Variants in TRERF1 observed in about 807,000 individuals in gnomAD.
TRERF1 encodes transcriptional-regulating factor 1.
Under a neutral mutation model 122.9 loss-of-function variants are expected in TRERF1, and 27 were observed. The ratio of observed to expected loss-of-function variants is 0.22; its 90% CI spans 0.16 to 0.30. TRERF1 has a LOEUF of 0.30. Among genes scored for constraint, TRERF1 ranks in the 10% least tolerant of loss-of-function variants. The pLI, the probability that TRERF1 is intolerant of heterozygous loss-of-function variation, is 1.00. For missense variants in TRERF1, 1,248 were observed against 1,560.3 expected, an observed-to-expected ratio of 0.80 and a Z score of 3.37; for synonymous variants, 636 against 641.7, an observed-to-expected ratio of 0.99 and a Z score of 0.13.
chr6:42,441,570 GTCT>G (rs1432254357), intron 2 of TRERF1, among the ~76,000 whole-genome samples: 1 of 152,140 alleles, frequency 6.6e-6, no homozygotes, highest in Admixed American at 6.5e-5. Flanking sequence ...CTCAGGTCTG[GTCT>G]TCTTCAGTGG....
At chr6:42,409,290 AAT>A (rs1780762791) in intron 2 of TRERF1, among the ~76,000 whole-genome samples, 1 of 152,024 alleles carries the variant, frequency 6.6e-6, no homozygotes, top group South Asian at 2.1e-4. Flanking sequence ...TAAATAAATA[AAT>A]AAATGTCTTC....
At chr6:42,288,858 G>T (rs989800252) in intron 4 of TRERF1, among the ~76,000 whole-genome samples, 7 of 151,950 alleles carry the variant, frequency 4.6e-5, no homozygotes, top group Admixed American at 4.6e-4. Flanking sequence ...TGGACAGGGG[G>T]CAAGGGCAAG....
chr6:42,363,262 A>G (rs1408306288), intron 2 of TRERF1, among the ~76,000 whole-genome samples, 183 bp from the exon 3 acceptor site: 1 of 152,226 alleles, frequency 6.6e-6, no homozygotes, highest in Non-Finnish European at 1.5e-5. Context: ...GGGGGAGAAG[A>G]GGACTTAGGA....
At chr6:42,328,325 A>AAAAC (rs1026289536) in intron 3 of TRERF1, among the ~76,000 whole-genome samples, 5 of 152,094 alleles carry the variant, frequency 3.3e-5, no homozygotes, top group Admixed American at 6.6e-5. Context: ...CCCTAATTAA[A>AAAAC]AAACAAACAA....
intron 2 of TRERF1, among the ~76,000 whole-genome samples, chr6:42,445,509 G>A (rs542791714): frequency 7.9e-5 from 12 of 151,930 alleles, no homozygotes; most frequent in South Asian, 4.2e-4. Flanking sequence ...TTTTTATCTC[G>A]TGCTAGGTGG....
intron 2 of TRERF1, among the ~76,000 whole-genome samples, chr6:42,450,537 C>T (rs113919573): frequency 5.9e-5 from 9 of 152,246 alleles, no homozygotes; most frequent in Non-Finnish European, 1.0e-4. Context: ...AACCAGAAAG[C>T]GTTTTCTTGT....
intron 2 of TRERF1, among the ~76,000 whole-genome samples, chr6:42,388,212 T>A (rs1439615562): frequency 6.6e-6 from 1 of 151,246 alleles, no homozygotes; most frequent in Non-Finnish European, 1.5e-5. Context: ...AAGATGCAGT[T>A]TTGATTTCTT....
intron 3 of TRERF1, among the ~76,000 whole-genome samples, chr6:42,324,513 C>T (rs1763962105): frequency 6.6e-6 from 1 of 152,146 alleles, no homozygotes. Context: ...TACTACAAGG[C>T]TATAGTAACC....
intron 4 of TRERF1, among the ~76,000 whole-genome samples, chr6:42,274,935 G>A (rs938210063): frequency 9.2e-5 from 14 of 152,260 alleles, no homozygotes; most frequent in African/African-American, 3.4e-4. Flanking sequence ...AAATACGGGC[G>A]TGAAAAGTCT....
chr6:42,329,698 T>C (rs902561910), intron 3 of TRERF1, among the ~76,000 whole-genome samples: 65 of 151,984 alleles, frequency 4.3e-4, no homozygotes, highest in African/African-American at 1.5e-3. Context: ...CCGTTGAAAA[T>C]GTACTGATTT....
intron 3 of TRERF1, among the ~76,000 whole-genome samples, chr6:42,340,451 C>G (rs958781500): frequency 2.0e-5 from 3 of 152,152 alleles, no homozygotes; most frequent in Non-Finnish European, 4.4e-5. Context: ...GTCTACTTAT[C>G]AGCCCATAGA....
intron 15 of TRERF1, 99 bp downstream of exon 15, chr6:42,243,149 T>C (rs1301367155): frequency 7.2e-6 from 7 of 971,788 alleles, no homozygotes; most frequent in African/African-American, 1.6e-5. Context: ...CCTCTGGCTA[T>C]CTTGGCAGCA....
chr6:42,366,868 T>C (rs577677856), intron 2 of TRERF1, among the ~76,000 whole-genome samples: 1 of 152,272 alleles, frequency 6.6e-6, no homozygotes, highest in South Asian at 2.1e-4. Context: ...GGCCATCTGA[T>C]CACCCCAGGC....
chr6:42,263,497 T>TGGCGGC lies in TRERF1; in HGVS notation c.1701_1706dup (p.Pro569_Pro570dup), dbSNP rs1554134879. 1.3e-6 allele frequency: 2 copies of TGGCGGC among 1,578,940 alleles called. No individual in the cohort carries two copies. Among genetic ancestry groups the TGGCGGC allele is most frequent in the Non-Finnish European group, 1.7e-6 (2 of 1,160,150 alleles). ...TTTCTGCCTCGGGAGGGAGCTGTGG[T>TGGCGGC]GGCGGCGGAGGCGGAGGCGGAGGCG... On this transcript the variant is annotated inframe_insertion, in exon 8 of 18. Coordinates refer to ENST00000372922, the Ensembl canonical transcript of TRERF1. This position sits in a 1 kb window ranked among gnomAD's most constrained non-coding sequence, Gnocchi z 5.6.
At position 42,228,200 on chromosome 6, in the gene TRERF1, A is replaced by ATT; in HGVS notation, c.*143_*144dup. ...TTTAAATAAAAGGAAAAGAAATAGG[A>ATT]TTTTTTTTTCTAAACCTGAATAAAA... is the stretch of plus-strand genomic sequence containing the variant. On this transcript the variant is annotated 3_prime_UTR_variant, in exon 18 of 18. Coordinates refer to ENST00000372922, the Ensembl canonical transcript of TRERF1. The surrounding 1 kb of genome is among the most constrained non-coding windows in gnomAD (Gnocchi z 4.2). The ATT allele has an allele frequency of 2.8e-6, 2 of 710,476 alleles. No homozygotes were observed. Among genetic ancestry groups the ATT allele is most frequent in the Non-Finnish European group, 2.1e-6 (1 of 481,578 alleles). 44.0% of individuals were successfully genotyped at this position (710,476 alleles called of 1,614,324 possible). A position where few individuals can be genotyped will look rare whatever the true frequency, so the allele number is the denominator to read the frequency against.
chr6:42,402,471 T>A (rs1779531101), intron 2 of TRERF1, among the ~76,000 whole-genome samples: 3 of 152,188 alleles, frequency 2.0e-5, no homozygotes, highest in Non-Finnish European at 4.4e-5. Flanking sequence ...CTCGTCAGCA[T>A]CTAGCTGCAA....
At chr6:42,280,897 T>G (rs1423028067) in intron 4 of TRERF1, among the ~76,000 whole-genome samples, 2 of 152,212 alleles carry the variant, frequency 1.3e-5, no homozygotes, top group African/African-American at 4.8e-5. Context: ...AAAAACAGTA[T>G]GTTTTAATTC....
intron 2 of TRERF1, among the ~76,000 whole-genome samples, chr6:42,424,840 C>T (rs260237): frequency 0.22 from 34,012 of 152,160 alleles, 5,595 homozygotes; most frequent in African/African-American, 0.47. Flanking sequence ...ATAGCTCATA[C>T]CGTTGTCCAT....
intron 2 of TRERF1, among the ~76,000 whole-genome samples, chr6:42,424,003 T>C (rs1237933599): frequency 6.6e-6 from 1 of 152,254 alleles, no homozygotes; most frequent in Non-Finnish European, 1.5e-5. Context: ...CAAAGTCTTG[T>C]TTTTCTAAAT....
Sources: gnomAD v4.1 joint callset for allele counts (sites outside exome capture counted in the v4.1 genomes callset) on GRCh38, gnomAD v4.1.1 for gene constraint, Gnocchi (gnomAD v3.1) non-coding constraint, MANE v1.5 for transcripts, NCBI Gene and HGNC (gene_info 2026-07-23, HGNC 2026-07-21) for gene names.